KIF1A: variants seen among roughly 807,000 people sequenced by gnomAD.
KIF1A encodes the protein kinesin family member 1A.
In KIF1A, 46 loss-of-function variants were observed where a neutral mutation model predicts 227.3. The observed-to-expected ratio is 0.20, with a 90% CI of 0.16 to 0.26. KIF1A has a LOEUF of 0.26. Among genes scored for constraint, KIF1A ranks in the 10% least tolerant of loss-of-function variants. The pLI is 1.00. For missense variants in KIF1A, 1,683 were observed against 2,485.9 expected (o/e 0.68, Z 6.87); for synonymous variants, 1,022 against 1,012.8 (o/e 1.01, Z -0.17).
Position 240,758,415 on chromosome 2 carries a change from C to T in KIF1A, c.2527G>A (p.Val843Met), listed in dbSNP as rs551697944. The T allele has an allele frequency of 6.8e-6, 11 of 1,612,888 alleles. No homozygotes were observed. Among genetic ancestry groups the T allele is most frequent in the Admixed American group, 1.7e-5 (1 of 59,914 alleles). ...TCATAGAAGGGGTCTCCGCCGGTCA[C>T]CACGTTGTCACAGTCCTCGATGACA... ...SSVIEDCDNV[V>M]TGGDPFYDRF... is the part of the protein sequence containing the mutation. The change falls in exon 26 of 49, where the codon GTG becomes ATG. Residue 843 changes from valine (V) to methionine (M), a missense_variant. Coordinates refer to ENST00000498729, the MANE Select transcript of KIF1A (RefSeq NM_001244008.2). The surrounding 1 kb of genome is among the most constrained non-coding windows in gnomAD (Gnocchi z 5.2).
Position 240,740,052 on chromosome 2 carries a change from A to C in KIF1A, c.3901+6T>G. On this transcript the variant is annotated splice_donor_region_variant and intron_variant, in intron 37 of 48. Transcript: ENST00000498729. The surrounding 1 kb of genome is among the most constrained non-coding windows in gnomAD (Gnocchi z 6.1). ...CCCACCAAGGCAGCCCCCACACCGC[A>C]CTCACCCACGACCAGCTCGCGCACT... 1 of 1,576,068 alleles carries C rather than the reference A, an allele frequency of 6.3e-7. No individual in the cohort carries two copies. Among genetic ancestry groups the C allele is most frequent in the Non-Finnish European group, 8.6e-7 (1 of 1,161,076 alleles).
chr2:240,762,367 T>C (rs2050632719), intron 23 of KIF1A, among the ~76,000 whole-genome samples: 1 of 152,186 alleles, frequency 6.6e-6, no homozygotes, highest in South Asian at 2.1e-4. Flanking sequence ...AGTGGACGCA[T>C]GAGCATGGTG....
chr2:240,801,310 TAA>T lies in KIF1A; in HGVS notation c.-60-3500_-60-3499del, dbSNP rs60783171. 2.2e-4 allele frequency among the ~76,000 whole-genome samples: 32 copies of T among 147,796 alleles called. 2 individuals are homozygous for T. The highest frequency in any genetic ancestry group is 5.9e-4 in the African/African-American group (24 of 40,898). ...AATTTTTCCAGAGGACTGGAAACTA[TAA>T]AAAAAAAAATCAAATGGAAATGCTA... On this transcript the variant is annotated intron_variant, in intron 1 of 48. Coordinates refer to ENST00000498729, the MANE Select transcript of KIF1A (RefSeq NM_001244008.2).
chr2:240,729,544 C>T (rs1482142671), intron 38 of KIF1A, among the ~76,000 whole-genome samples: 3 of 152,232 alleles, frequency 2.0e-5, no homozygotes, highest in African/African-American at 2.4e-5. Flanking sequence ...GTGAGGCAGG[C>T]AGGACTCCAA....
At position 240,775,929 on chromosome 2, in the gene KIF1A, G is replaced by A. The variant is rs111507743; in HGVS notation, c.883-3C>T. 89 of 1,601,678 alleles carry A rather than the reference G, an allele frequency of 5.6e-5. No homozygotes were observed. The highest frequency in any genetic ancestry group is 5.0e-4 in the Middle Eastern group (3 of 6,054). On this transcript the variant is annotated splice_region_variant and splice_polypyrimidine_tract_variant and intron_variant, in intron 10 of 48. Transcript: ENST00000498729. The surrounding 1 kb of genome is among the most constrained non-coding windows in gnomAD (Gnocchi z 5.5). ...TCTGTCTTCTTCTTTTTCTTGTTCT[G>A]TGGGGGAGGAACATTCAAGGTCAAG...
chr2:240,726,706 C>T lies in KIF1A; in HGVS notation c.4122+120G>A, dbSNP rs754494066. 2 of 494,804 alleles carry T rather than the reference C, an allele frequency of 4.0e-6. No individual in the cohort carries two copies. Among genetic ancestry groups the T allele is most frequent in the Non-Finnish European group, 7.3e-6 (2 of 273,170 alleles). The allele number at this position is 494,804 out of a possible 1,614,324, so 30.7% of individuals were successfully genotyped here. A position where few individuals can be genotyped will look rare whatever the true frequency, so the allele number is the denominator to read the frequency against. ...TTTTTAAAAGGCACACAAATTTAAC[C>T]CAGGGACTTGAGAACTAGAGAAGTC... On this transcript the variant is annotated intron_variant, in intron 39 of 48. Transcript: ENST00000498729. This position sits in a 1 kb window ranked among gnomAD's most constrained non-coding sequence, Gnocchi z 5.2.
chr2:240,752,038 C>T lies in KIF1A; in HGVS notation c.2859-1491G>A, dbSNP rs901871957. ...CCCTCACTGCAAAATGGCCCAGGCT[C>T]GCAACAGGAAAAGGGTCTTGCTGCC... On this transcript the variant is annotated intron_variant, in intron 27 of 48. Coordinates refer to ENST00000498729, the MANE Select transcript of KIF1A (RefSeq NM_001244008.2). This position sits in a 1 kb window ranked among gnomAD's most constrained non-coding sequence, Gnocchi z 6.4. 7.9e-5 allele frequency among the ~76,000 whole-genome samples: 12 copies of T among 152,064 alleles called. No homozygotes were observed. Among genetic ancestry groups the T allele is most frequent in the African/African-American group, 2.9e-4 (12 of 41,420 alleles).
chr2:240,785,015 C>A lies in KIF1A; in HGVS notation c.694G>T (p.Ala232Ser). Residue 232 changes from alanine (A) to serine (S), a missense_variant, in exon 7 of 49, where the codon GCA (alanine) becomes TCA (serine). Ala to Ser is a moderately conservative substitution (Grantham distance 99, BLOSUM62 1). Around this residue, in one of 12 missense-constraint regions of KIF1A, gnomAD observed 21 missense variants for 35.2 expected, o/e 0.60. Coordinates refer to ENST00000498729, the MANE Select transcript of KIF1A (RefSeq NM_001244008.2). ...TTCTCCGTGGTGATATTGGTCTCTG[C>A]GTCATGGCGCTTCTGGGTGAAGATG... ...NIIFTQKRHD[A>S]ETNITTEKVS... The A allele has an allele frequency of 6.2e-7, 1 of 1,613,536 alleles. No individual in the cohort carries two copies. Among genetic ancestry groups the A allele is most frequent in the Non-Finnish European group, 8.5e-7 (1 of 1,179,742 alleles).
At chr2:240,802,238 A>T (rs1575661183) in intron 1 of KIF1A, among the ~76,000 whole-genome samples, 1 of 152,254 alleles carries the variant, frequency 6.6e-6, no homozygotes, top group East Asian at 1.9e-4. Flanking sequence ...GTAATCATTT[A>T]TATTCGATTG....
chr2:240,771,511 G>A lies in KIF1A; in HGVS notation c.1208-407C>T, dbSNP rs534838692. Reference sequence around the variant, plus strand: ...CTTGCTTTCCCACAGCTGCACTCCAGGCCCCACTGCCAGGCCACCCTACAG... The same window carrying A: ...CTTGCTTTCCCACAGCTGCACTCCAAGCCCCACTGCCAGGCCACCCTACAG... On this transcript the variant is annotated intron_variant, in intron 14 of 48. Coordinates refer to ENST00000498729, the MANE Select transcript of KIF1A (RefSeq NM_001244008.2). 3.9e-5 allele frequency among the ~76,000 whole-genome samples: 6 copies of A among 152,194 alleles called. No individual in the cohort carries two copies. In the South Asian group the frequency reaches 8.3e-4, roughly 21 times the overall value.
Position 240,750,536 on chromosome 2 carries a change from T to C in KIF1A, c.2870A>G (p.Tyr957Cys). Residue 957 changes from tyrosine (Y) to cysteine (C), a missense_variant, in exon 28 of 49, where the codon TAC (tyrosine) becomes TGC (cysteine). Physicochemically the swap from Tyr to Cys is radical, Grantham distance 194 (BLOSUM62 -2). Transcript: ENST00000498729. The stretch of plus-strand genomic sequence containing the variant: ...AACGGGGTACAGCAGGTTGCTCAGG[T>C]ACACGAAGGCCCTGGGGAGAAGCAG... ...LFSLVGRAFV[Y>C]LSNLLYPVPL... 1 of 1,613,438 alleles carries C rather than the reference T, an allele frequency of 6.2e-7. No individual in the cohort carries two copies. Among genetic ancestry groups the C allele is most frequent in the Non-Finnish European group, 8.5e-7 (1 of 1,179,504 alleles).
chr2:240,719,465 A>T (rs1157663790), intron 46 of KIF1A, among the ~76,000 whole-genome samples: 1 of 152,220 alleles, frequency 6.6e-6, no homozygotes, highest in Admixed American at 6.5e-5. Flanking sequence ...AGGCTGTCAC[A>T]CTGTACCCAG....
rs1384366539 is a variant in KIF1A, at chr2:240,758,637, G to A, written c.2445-140C>T. Reference sequence around the variant, plus strand: ...GCTCAGGGTCATCAAGGTCCAGGGGGCTTGCTAGACAGACCCCCTCTGTGA... The same window carrying A: ...GCTCAGGGTCATCAAGGTCCAGGGGACTTGCTAGACAGACCCCCTCTGTGA... On this transcript the variant is annotated intron_variant, in intron 25 of 48. Transcript: ENST00000498729. The surrounding 1 kb of genome is among the most constrained non-coding windows in gnomAD (Gnocchi z 5.2). 3.8e-5 allele frequency: 33 copies of A among 867,484 alleles called. No homozygotes were observed. In the South Asian group the frequency reaches 7.6e-4, roughly 20 times the overall value. 53.7% of individuals were successfully genotyped at this position (867,484 alleles called of 1,614,324 possible).
intron 6 of KIF1A, among the ~76,000 whole-genome samples, chr2:240,785,784 A>AGT (rs2054663463): frequency 6.6e-6 from 1 of 152,162 alleles, no homozygotes; most frequent in Non-Finnish European, 1.5e-5. Flanking sequence ...GATGGCGCAG[A>AGT]GTGTGACTCA....
rs769267261 is a variant in KIF1A, at chr2:240,785,007, G to T, written c.702C>A (p.Thr234=). ...IFTQKRHDAE[T]NITTEKVSKI... is the part of the protein sequence containing the mutation. ...CACTCACCTTCTCCGTGGTGATATT[G>T]GTCTCTGCGTCATGGCGCTTCTGGG... The change falls in exon 7 of 49, where the codon ACC becomes ACA. Residue 234 remains threonine (T), a synonymous_variant. Transcript: ENST00000498729. The T allele has an allele frequency of 6.2e-7, 1 of 1,613,418 alleles. No individual in the cohort carries two copies. Among genetic ancestry groups the T allele is most frequent in the Admixed American group, 1.7e-5 (1 of 60,014 alleles).
At chr2:240,760,205 C>T (rs1485059513) in intron 25 of KIF1A, among the ~76,000 whole-genome samples, 1 of 152,180 alleles carries the variant, frequency 6.6e-6, no homozygotes, top group East Asian at 1.9e-4. Context: ...AAGGGATCCA[C>T]CTCCCGGCAG....
At chr2:240,777,000 A>G (rs1313169251) in intron 10 of KIF1A, among the ~76,000 whole-genome samples, 2 of 152,180 alleles carry the variant, frequency 1.3e-5, no homozygotes, top group Non-Finnish European at 1.5e-5. Flanking sequence ...TTGGAAACTT[A>G]GTAGGGACTA....
chr2:240,735,145 T>C (rs1394490078), intron 38 of KIF1A, among the ~76,000 whole-genome samples: 1 of 151,920 alleles, frequency 6.6e-6, no homozygotes, highest in Non-Finnish European at 1.5e-5. Flanking sequence ...GGGCTAGGGG[T>C]GGGAGCTGCC....
At chr2:240,797,271 C>T (rs1314995932) in intron 2 of KIF1A, among the ~76,000 whole-genome samples, 1 of 152,194 alleles carries the variant, frequency 6.6e-6, no homozygotes. Context: ...CACAGACACA[C>T]AGAGGAGAAG....
Sources: gnomAD v4.1 joint callset for allele counts (sites outside exome capture counted in the v4.1 genomes callset) on GRCh38, gnomAD v4.1.1 for gene constraint, gnomAD v4.1.1 regional missense constraint, Gnocchi (gnomAD v3.1) non-coding constraint, MANE v1.5 for transcripts, NCBI Gene and HGNC (gene_info 2026-07-23, HGNC 2026-07-21) for gene names.